The following IQCM variants were observed in gnomAD, a reference collection of about 807,000 sequenced individuals.
The protein encoded by IQCM is IQ motif containing M, also known as IQ domain-containing protein M.
IQCM carries 45 observed loss-of-function variants against 57.6 expected under a neutral mutation model. The ratio of observed to expected loss-of-function variants is 0.78; its 90% confidence interval spans 0.62 to 1.00. The LOEUF (loss-of-function observed/expected upper bound fraction) is 1.00, where lower values mean the gene tolerates loss of function less well. IQCM is among the 50% of genes least tolerant of loss of function. The probability of loss-of-function intolerance (pLI) is 0.00; values close to 1 mark genes in which losing one functional copy is unlikely to be tolerated. For synonymous variants in IQCM, 148 were observed against 158.9 expected (o/e 0.93, Z 0.51); for missense variants, 468 against 511.6 (o/e 0.91, Z 0.82).
At chr4:149,540,732 T>TG (rs1374393902) in intron 12 of IQCM, among the ~76,000 whole-genome samples, 1 of 152,120 alleles carries the variant, frequency 6.6e-6, no homozygotes, top group Non-Finnish European at 1.5e-5. Flanking sequence ...TTTAACCAAA[T>TG]GTTAATGGAG....
intron 2 of IQCM, chr4:149,790,387 A>G (rs1377664904): frequency 5.5e-6 from 1 of 182,154 alleles, no homozygotes; most frequent in Non-Finnish European, 1.3e-5. Flanking sequence ...AGCAATGCCA[A>G]TACCCCTTCT....
Position 149,577,638 on chromosome 4 carries a change from T to C in IQCM, c.749+10292A>G, listed in dbSNP as rs183329121. On this transcript the variant is annotated intron_variant, in intron 9 of 13. Transcript: ENST00000636793. ...TGCTGTTTTGGTTACTGTAGCCTTA[T>C]AGTATAGTTTGAAGTAGGTAGTGTG... Among the ~76,000 whole-genome samples, 116 of 149,938 alleles carry C rather than the reference T, an allele frequency of 7.7e-4. 1 individual carries two copies. The East Asian group carries it at 0.021, about 27-fold the overall frequency.
intron 2 of IQCM, among the ~76,000 whole-genome samples, chr4:149,806,010 G>C (rs909816196): frequency 7.2e-5 from 11 of 151,958 alleles, no homozygotes; most frequent in African/African-American, 2.6e-4. Flanking sequence ...AATATAATTG[G>C]AGTTGGTTTT....
intron 13 of IQCM, chr4:149,429,895 CAG>C (rs1734703892): frequency 1.2e-6 from 1 of 849,236 alleles, no homozygotes; most frequent in African/African-American, 1.8e-5. Context: ...GCTTGGAAGA[CAG>C]AGTTTGAAAA....
chr4:149,429,696 A>T (rs1734690976), intron 13 of IQCM, among the ~76,000 whole-genome samples: 1 of 151,926 alleles, frequency 6.6e-6, no homozygotes, highest in South Asian at 2.1e-4. Context: ...ATAAATTCCC[A>T]GAGCTATCTT....
chr4:149,564,974 T>C (rs527473051), intron 9 of IQCM, among the ~76,000 whole-genome samples: 1 of 152,342 alleles, frequency 6.6e-6, no homozygotes, highest in South Asian at 2.1e-4. Flanking sequence ...TATATGTATA[T>C]ACCTGTTATG....
intron 2 of IQCM, among the ~76,000 whole-genome samples, chr4:149,751,663 A>G (rs1403227623): frequency 6.6e-6 from 1 of 152,238 alleles, no homozygotes; most frequent in Non-Finnish European, 1.5e-5. Context: ...CATTTATGAC[A>G]GGTCTACACC....
chr4:149,545,625 A>G (rs1006384446), intron 12 of IQCM, among the ~76,000 whole-genome samples: 1 of 152,160 alleles, frequency 6.6e-6, no homozygotes, highest in Admixed American at 6.5e-5. Flanking sequence ...GTAAAATATT[A>G]TGGAATTTCC....
chr4:149,499,380 C>T (rs536348704), intron 12 of IQCM, among the ~76,000 whole-genome samples: 1 of 152,080 alleles, frequency 6.6e-6, no homozygotes, highest in East Asian at 1.9e-4. Context: ...CTCAAGAAAA[C>T]AATACTTTTT....
intron 7 of IQCM, among the ~76,000 whole-genome samples, chr4:149,665,852 G>T (rs892398647): frequency 1.3e-5 from 2 of 152,076 alleles, no homozygotes; most frequent in Non-Finnish European, 2.9e-5. Flanking sequence ...GGAAGGACTC[G>T]ACTGGCTAAG....
Position 149,752,531 on chromosome 4 carries a change from A to G in IQCM, c.-48-9792T>C, listed in dbSNP as rs551031670. On this transcript the variant is annotated intron_variant, in intron 2 of 13. Coordinates refer to ENST00000636793, the MANE Select transcript of IQCM (RefSeq NM_001363507.2). Reference sequence around the variant, plus strand: ...CACACCACTGCACTCCAGCCTGGTAACAGAATGAGACTCTGTCTTAAAAAA... The same window carrying G: ...CACACCACTGCACTCCAGCCTGGTAGCAGAATGAGACTCTGTCTTAAAAAA... 3.4e-5 allele frequency among the ~76,000 whole-genome samples: 5 copies of G among 147,860 alleles called. No individual in the cohort carries two copies. In the South Asian group the frequency reaches 1.1e-3, roughly 32 times the overall value.
intron 12 of IQCM, among the ~76,000 whole-genome samples, chr4:149,495,734 T>C (rs1029036584): frequency 3.3e-5 from 5 of 151,876 alleles, no homozygotes; most frequent in African/African-American, 1.2e-4. Context: ...ATGGTTAGTA[T>C]AAGTAAAAAA....
intron 7 of IQCM, among the ~76,000 whole-genome samples, chr4:149,643,508 CACCAGGGAGTGAAAGAGATT>C (rs1037366127): frequency 6.6e-6 from 1 of 152,098 alleles, no homozygotes; most frequent in African/African-American, 2.4e-5. Context: ...TGAGTAGGTC[CACCAGGGAGTGAAAGAGATT>C]CTGTTTCTCA....
At chr4:149,652,459 AAATT>A (rs1759274829) in intron 7 of IQCM, among the ~76,000 whole-genome samples, 1 of 152,012 alleles carries the variant, frequency 6.6e-6, no homozygotes, top group South Asian at 2.1e-4. Context: ...ACTTAAAGTA[AAATT>A]AAAAGAAAAA....
At chr4:149,809,407 T>A (rs2150064611) in intron 2 of IQCM, among the ~76,000 whole-genome samples, 2 of 152,324 alleles carry the variant, frequency 1.3e-5, no homozygotes, top group Non-Finnish European at 2.9e-5. Context: ...TTTTTGATAG[T>A]CAGATAACCA....
At chr4:149,553,833 A>T (rs1457958614) in intron 10 of IQCM, among the ~76,000 whole-genome samples, 2 of 152,132 alleles carry the variant, frequency 1.3e-5, no homozygotes, top group Non-Finnish European at 2.9e-5. Flanking sequence ...TTGTTTCATT[A>T]GTTTACCTGT....
At chr4:149,605,428 C>T (rs1299891828) in intron 8 of IQCM, among the ~76,000 whole-genome samples, 1 of 152,140 alleles carries the variant, frequency 6.6e-6, no homozygotes, top group Admixed American at 6.5e-5. Flanking sequence ...TTACAATTCA[C>T]ATCTTGCATT....
intron 9 of IQCM, among the ~76,000 whole-genome samples, chr4:149,566,706 A>G (rs1750666064): frequency 6.6e-6 from 1 of 152,230 alleles, no homozygotes; most frequent in African/African-American, 2.4e-5. Flanking sequence ...GGTTTTCATA[A>G]CAATTGAAAA....
chr4:149,687,128 G>A (rs182915511), intron 5 of IQCM, among the ~76,000 whole-genome samples: 1 of 151,532 alleles, frequency 6.6e-6, no homozygotes, highest in East Asian at 1.9e-4. Flanking sequence ...TACTAGCTCA[G>A]ATATATTATT....
Sources: gnomAD v4.1 joint callset for allele counts (sites outside exome capture counted in the v4.1 genomes callset) on GRCh38, gnomAD v4.1.1 for gene constraint, MANE v1.5 for transcripts, NCBI Gene and HGNC (gene_info 2026-07-23, HGNC 2026-07-21) for gene names.